MYO6: variants seen among roughly 807,000 people sequenced by gnomAD.
MYO6 encodes unconventional myosin-VI.
A neutral mutation model predicts 178.7 loss-of-function variants in MYO6; 74 were observed. The observed-to-expected ratio is 0.41, with a 90% CI of 0.34 to 0.50. The LOEUF is 0.50. MYO6 is among the 20% of genes least tolerant of loss of function. MYO6 has a pLI of 0.09. For synonymous variants in MYO6, 477 were observed against 504.6 expected (o/e 0.95, Z 0.73); for missense variants, 1,330 against 1,547.4 (o/e 0.86, Z 2.36).
At chr6:75,913,954 T>C in intron 33 of MYO6, 109 bp from the exon 34 acceptor site, 1 of 846,660 alleles carries the variant, frequency 1.2e-6, no homozygotes, top group Admixed American at 2.6e-5. Context: ...AAATTTACTA[T>C]TAGGGACCTT....
rs751304822 is a variant in MYO6, at chr6:75,886,979, G to C, written c.2643G>C (p.Leu881Phe). 6.2e-7 allele frequency: 1 copy of C among 1,613,474 alleles called. No individual in the cohort carries two copies. Among genetic ancestry groups the C allele is most frequent in the East Asian group, 2.2e-5 (1 of 44,798 alleles). Residue 881 changes from leucine (L) to phenylalanine (F), a missense_variant, in exon 25 of 35, where the codon TTG (leucine) becomes TTC (phenylalanine). This residue lies in a region of MYO6 where 601 missense variants were observed against 626.1 expected (regional missense o/e 0.96). Coordinates refer to ENST00000369977, the MANE Select transcript of MYO6 (RefSeq NM_004999.4). ...IKNLEISIDTLMAKIKSTMMT... is the reference protein window; with the variant it reads ...IKNLEISIDTFMAKIKSTMMT... ...ATCTGGAAATTTCTATTGATACTTT[G>C]ATGGCCAAAATTAAGGTATGTAATT...
chr6:75,829,612 T>C (rs1772860465), intron 4 of MYO6, among the ~76,000 whole-genome samples: 1 of 144,460 alleles, frequency 6.9e-6, no homozygotes, highest in South Asian at 2.3e-4. Flanking sequence ...TCTAGTTATA[T>C]GTAGTTTTAA....
intron 16 of MYO6, among the ~76,000 whole-genome samples, chr6:75,865,775 T>C (rs9447569): frequency 5.3e-5 from 8 of 152,178 alleles, no homozygotes; most frequent in Non-Finnish European, 7.3e-5. Context: ...GATTAAATGG[T>C]ACAACCTAAA....
intron 15 of MYO6, 51 bp downstream of exon 15, chr6:75,861,146 T>C (rs758520293): frequency 7.4e-7 from 1 of 1,344,014 alleles, no homozygotes; most frequent in Admixed American, 1.7e-5. Flanking sequence ...ATGTAGTGAA[T>C]GTGTTTAGTG....
chr6:75,853,651 T>G (rs1368430112), intron 11 of MYO6, among the ~76,000 whole-genome samples: 1 of 152,176 alleles, frequency 6.6e-6, no homozygotes, highest in Non-Finnish European at 1.5e-5. Context: ...TTCACATTTT[T>G]TTCTCATATA....
At chr6:75,872,197 G>T (rs1054460449) in intron 19 of MYO6, among the ~76,000 whole-genome samples, 1 of 152,058 alleles carries the variant, frequency 6.6e-6, no homozygotes, top group Admixed American at 6.6e-5. Flanking sequence ...CTTCATTGTT[G>T]AAATAATTAT....
rs757488387 is a variant in MYO6, at chr6:75,848,446, T to A, written c.993T>A (p.Asp331Glu). 9 of 1,613,794 alleles carry A rather than the reference T, an allele frequency of 5.6e-6. No individual in the cohort carries two copies. The highest frequency in any genetic ancestry group is 7.6e-6 in the Non-Finnish European group (9 of 1,179,878). ...CTAMKKIGLD[D>E]EEKLDLFRVV... ...CTATGAAAAAAATTGGTTTGGATGA[T>A]GAAGAAAAGCTTGATCTCTTCCGGG... Residue 331 changes from aspartate to glutamate, a missense_variant, in exon 11 of 35, where the codon GAT becomes GAA. Asp to Glu is a conservative substitution (Grantham distance 45). Transcript: ENST00000369977.
rs1386616424 is a variant in MYO6, at chr6:75,879,803, C to T, written c.2078-17C>T. ...GAACAGTGATTGACAGTGCTTTGTG[C>T]TTGTTCGTGAATCTAGGGATGGTGT... On this transcript the variant is annotated splice_polypyrimidine_tract_variant and intron_variant, in intron 20 of 34. Coordinates refer to ENST00000369977, the MANE Select transcript of MYO6 (RefSeq NM_004999.4). 1.2e-6 allele frequency: 2 copies of T among 1,614,058 alleles called. No individual in the cohort carries two copies. Among genetic ancestry groups the T allele is most frequent in the South Asian group, 2.2e-5 (2 of 91,084 alleles).
chr6:75,825,820 G>A (rs1478542181), intron 3 of MYO6, among the ~76,000 whole-genome samples: 2 of 151,834 alleles, frequency 1.3e-5, no homozygotes, highest in Admixed American at 1.3e-4. Context: ...TAATAATGAA[G>A]TCATACCTAA....
chr6:75,889,875 T>A (rs1000004167), intron 25 of MYO6, among the ~76,000 whole-genome samples, 182 bp from the exon 26 acceptor site: 3 of 152,256 alleles, frequency 2.0e-5, no homozygotes, highest in African/African-American at 7.2e-5. Flanking sequence ...CCATCTTACC[T>A]AGTTTTTGCT....
chr6:75,884,113 T>C (rs552436942), intron 23 of MYO6, among the ~76,000 whole-genome samples: 1 of 152,320 alleles, frequency 6.6e-6, no homozygotes, highest in South Asian at 2.1e-4. Context: ...TGTTACACCA[T>C]TCATTTGTGG....
At chr6:75,874,615 T>C (rs1777423950) in intron 20 of MYO6, among the ~76,000 whole-genome samples, 3 of 152,242 alleles carry the variant, frequency 2.0e-5, no homozygotes, top group Admixed American at 6.5e-5. Context: ...TTGAAAGCCA[T>C]CTCTTCCTAG....
At position 75,848,502 on chromosome 6, in the gene MYO6, T is replaced by C. The variant is rs377470568; in HGVS notation, c.1049T>C (p.Ile350Thr). The C allele has an allele frequency of 1.1e-5, 18 of 1,613,488 alleles. 1 individual carries two copies. The highest frequency in any genetic ancestry group is 4.0e-5 in the African/African-American group (3 of 74,894). Residue 350 changes from isoleucine to threonine, a missense_variant, in exon 11 of 35, where the codon ATT becomes ACT. Coordinates refer to ENST00000369977, the MANE Select transcript of MYO6 (RefSeq NM_004999.4). ...VVAGVLHLGNIDFEEAGSTSG... is the reference protein window; with the variant it reads ...VVAGVLHLGNTDFEEAGSTSG... ...GCTGGCGTCCTGCACCTTGGAAATA[T>C]TGATTTTGAGGAAGCTGGCAGCACT...
intron 1 of MYO6, among the ~76,000 whole-genome samples, chr6:75,783,888 G>A (rs1767244449): frequency 1.3e-5 from 2 of 152,182 alleles, no homozygotes; most frequent in South Asian, 2.1e-4. Flanking sequence ...TTGATGGGAT[G>A]AGGAAAGAAG....
intron 30 of MYO6, among the ~76,000 whole-genome samples, chr6:75,898,617 T>C (rs1027248965): frequency 5.9e-5 from 9 of 152,174 alleles, no homozygotes; most frequent in African/African-American, 1.9e-4. Context: ...TTCAAAGTCA[T>C]GGGGATACCA....
Position 75,866,574 on chromosome 6 carries a change from G to A in MYO6, c.1723G>A (p.Glu575Lys), listed in dbSNP as rs1776717363. The A allele has an allele frequency of 1.2e-6, 2 of 1,613,888 alleles. No individual in the cohort carries two copies. Among genetic ancestry groups the A allele is most frequent in the African/African-American group, 1.3e-5 (1 of 74,888 alleles). The part of the protein sequence containing the change: ...LAVHRNIRDD[E>K]GFIIRHFAGA... ...AGTTCATAGGAATATCAGAGACGAC[G>A]AAGGCTTCATTATCAGGCATTTTGC... Residue 575 changes from glutamate to lysine, a missense_variant, in exon 17 of 35, where the codon GAA (glutamate) becomes AAA (lysine). Coordinates refer to ENST00000369977, the MANE Select transcript of MYO6 (RefSeq NM_004999.4).
chr6:75,855,044 GT>G, intron 11 of MYO6, 94 bp from the exon 12 acceptor site: 1 of 1,159,754 alleles, frequency 8.6e-7, no homozygotes, highest in South Asian at 1.4e-5. Context: ...CTATTATATG[GT>G]TTTTTGTAAG....
intron 7 of MYO6, among the ~76,000 whole-genome samples, chr6:75,838,065 T>C (rs1300582746): frequency 6.6e-6 from 1 of 151,816 alleles, no homozygotes; most frequent in Non-Finnish European, 1.5e-5. Flanking sequence ...TTTTTTTTTT[T>C]TTTTTGAGAC....
At position 75,908,644 on chromosome 6, in the gene MYO6, A is replaced by G; in HGVS notation, c.3412+17A>G. ...CTGATTATGGTAAAGAGAAATCTGTACTTTTGAACGTTTTAAAATATATGT... is the reference window on the plus strand; with the variant it reads ...CTGATTATGGTAAAGAGAAATCTGTGCTTTTGAACGTTTTAAAATATATGT... On this transcript the variant is annotated intron_variant, in intron 32 of 34. Coordinates refer to ENST00000369977, the MANE Select transcript of MYO6 (RefSeq NM_004999.4). 1 of 1,612,500 alleles carries G rather than the reference A, an allele frequency of 6.2e-7. No individual in the cohort carries two copies. Among genetic ancestry groups the G allele is most frequent in the Non-Finnish European group, 8.5e-7 (1 of 1,178,772 alleles).
Sources: allele counts gnomAD v4.1 joint callset (sites outside exome capture counted in the v4.1 genomes callset), GRCh38; gene constraint gnomAD v4.1.1; regional missense constraint gnomAD v4.1.1; transcripts MANE v1.5; gene names NCBI Gene and HGNC (gene_info 2026-07-23, HGNC 2026-07-21).